CLASP2: variants seen among roughly 807,000 people sequenced by gnomAD.
CLASP2 encodes the protein cytoplasmic linker associated protein 2, also known as CLIP-associating protein 2.
In CLASP2, 47 loss-of-function variants were observed where a neutral mutation model predicts 194.4. That is an observed-to-expected ratio of 0.24 (90% CI 0.19 to 0.31). CLASP2 has a LOEUF of 0.31. CLASP2 is among the 10% of genes least tolerant of loss of function. CLASP2 has a pLI of 1.00. For missense variants in CLASP2, 1,445 were observed against 1,823.6 expected, an observed-to-expected ratio of 0.79 and a Z score of 3.78; for synonymous variants, 619 against 633.5, an observed-to-expected ratio of 0.98 and a Z score of 0.34.
intron 18 of CLASP2, among the ~76,000 whole-genome samples, chr3:33,601,425 G>C (rs924485810): frequency 6.6e-6 from 1 of 152,216 alleles, no homozygotes; most frequent in African/African-American, 2.4e-5. Context: ...GATATATGTA[G>C]AATTTTTTCT....
intron 34 of CLASP2, among the ~76,000 whole-genome samples, chr3:33,527,478 T>C (rs1432743410): frequency 2.0e-5 from 3 of 152,104 alleles, no homozygotes; most frequent in Non-Finnish European, 4.4e-5. Flanking sequence ...AAACACAGCC[T>C]ACCAATAATA....
chr3:33,627,205 T>C (rs1360821330), intron 9 of CLASP2, 125 bp from the exon 10 acceptor site: 5 of 687,454 alleles, frequency 7.3e-6, no homozygotes, highest in Admixed American at 2.3e-5. Flanking sequence ...CCATTTCTAA[T>C]GGAGAATAGA....
intron 6 of CLASP2, among the ~76,000 whole-genome samples, chr3:33,681,371 A>G (rs112386308): frequency 0.017 from 2,547 of 152,294 alleles, 26 homozygotes; most frequent in South Asian, 0.032. Context: ...GTATTGGCAA[A>G]CAACTGCTGC....
chr3:33,539,624 T>A (rs1018905867), intron 32 of CLASP2, among the ~76,000 whole-genome samples: 1 of 152,106 alleles, frequency 6.6e-6, no homozygotes, highest in African/African-American at 2.4e-5. Context: ...CGTGAGCCAC[T>A]GCGCCCAGCC....
intron 33 of CLASP2, 50 bp from the exon 34 acceptor site, chr3:33,535,511 T>C: frequency 7.2e-7 from 1 of 1,388,572 alleles, no homozygotes; most frequent in East Asian, 2.3e-5. Context: ...TTTTCAAGTA[T>C]CTATTTAACA....
At chr3:33,557,450 C>G (rs2061159560) in intron 29 of CLASP2, among the ~76,000 whole-genome samples, 4 of 152,132 alleles carry the variant, frequency 2.6e-5, no homozygotes, top group Admixed American at 2.6e-4. Flanking sequence ...TTAGAGCTCA[C>G]TGTAACCTCA....
chr3:33,510,517 A>C (rs2049437167), intron 37 of CLASP2, 41 bp downstream of exon 37: 1 of 1,578,198 alleles, frequency 6.3e-7, no homozygotes, highest in South Asian at 1.1e-5. Context: ...CTGTATCCCA[A>C]ATGTATCATG....
At chr3:33,540,284 T>A (rs995909368) in intron 32 of CLASP2, among the ~76,000 whole-genome samples, 1 of 148,838 alleles carries the variant, frequency 6.7e-6, no homozygotes, top group Admixed American at 6.9e-5. Flanking sequence ...CTGCCCAGAC[T>A]GGAGTGCAGT....
chr3:33,565,703 T>G (rs1291926673), intron 27 of CLASP2, among the ~76,000 whole-genome samples: 1 of 151,922 alleles, frequency 6.6e-6, no homozygotes, highest in Non-Finnish European at 1.5e-5. Flanking sequence ...TCCCAGCTAC[T>G]CAGGAGGCTG....
At chr3:33,713,429 A>G (rs1250336598) in intron 1 of CLASP2, among the ~76,000 whole-genome samples, 1 of 152,192 alleles carries the variant, frequency 6.6e-6, no homozygotes, top group East Asian at 1.9e-4. Context: ...ATGTTCACCT[A>G]TATGGCAGGT....
At chr3:33,642,215 A>C (rs1213249354) in intron 8 of CLASP2, among the ~76,000 whole-genome samples, 1 of 151,964 alleles carries the variant, frequency 6.6e-6, no homozygotes, top group Non-Finnish European at 1.5e-5. Context: ...ATTTATTCCA[A>C]AGAAATCATT....
chr3:33,664,857 T>C lies in CLASP2; in HGVS notation c.645-1342A>G, dbSNP rs892598797. Among the ~76,000 whole-genome samples, 6 of 151,722 alleles carry C rather than the reference T, an allele frequency of 4.0e-5. No individual in the cohort carries two copies. The East Asian group carries it at 1.2e-3, about 29-fold the overall frequency. ...GCTCATGCCTATAATCCCAACACTT[T>C]GGGAGGCCAAGCAGCGCAGATCACC... On this transcript the variant is annotated intron_variant, in intron 6 of 38. Coordinates refer to ENST00000682230, the MANE Select transcript of CLASP2 (RefSeq NM_001365631.1).
intron 21 of CLASP2, among the ~76,000 whole-genome samples, chr3:33,590,895 A>C (rs949875277): frequency 2.0e-5 from 3 of 152,232 alleles, no homozygotes; most frequent in Admixed American, 2.0e-4. Flanking sequence ...AAAATAGCCA[A>C]GTAGGCTGGG....
chr3:33,696,990 A>G (rs2091979193), intron 1 of CLASP2, 57 bp from the exon 2 acceptor site: 5 of 916,634 alleles, frequency 5.5e-6, no homozygotes, highest in South Asian at 4.7e-5. Flanking sequence ...CTTTAATATC[A>G]GTATTTAATT....
At chr3:33,674,158 C>T (rs918558423) in intron 6 of CLASP2, among the ~76,000 whole-genome samples, 5 of 152,182 alleles carry the variant, frequency 3.3e-5, no homozygotes, top group Admixed American at 3.3e-4. Context: ...CAGCACAACA[C>T]AACACCTATT....
At chr3:33,517,263 A>G (rs1437212042) in intron 34 of CLASP2, 89 bp from the exon 35 acceptor site, 1 of 944,124 alleles carries the variant, frequency 1.1e-6, no homozygotes, top group Admixed American at 3.5e-5. Flanking sequence ...TGAAACACAG[A>G]TATAACCATC....
Position 33,688,278 on chromosome 3 carries a change from T to C in CLASP2, c.469A>G (p.Ile157Val). The part of the protein sequence containing the change: ...VCLCLIETLN[I>V]FGAQPLVISK... ...ATTTTCAGTAATCATAAAACTTACA[T>C]GTTTAAGGTTTCAATAAGACACAGA... The change falls in exon 4 of 39, where the codon ATT (isoleucine) becomes GTT (valine). Residue 157 changes from isoleucine (I) to valine (V), a missense_variant and splice_region_variant. Ile to Val is a conservative substitution (Grantham distance 29). This residue lies in a region of CLASP2 where 332 missense variants were observed against 325.3 expected (regional missense o/e 1.02). Transcript: ENST00000682230. 2 of 1,556,438 alleles carry C rather than the reference T, an allele frequency of 1.3e-6. No individual in the cohort carries two copies. Among genetic ancestry groups the C allele is most frequent in the South Asian group, 1.2e-5 (1 of 81,248 alleles).
At chr3:33,525,324 A>C (rs2054226911) in intron 34 of CLASP2, among the ~76,000 whole-genome samples, 3 of 152,214 alleles carry the variant, frequency 2.0e-5, no homozygotes, top group African/African-American at 7.2e-5. Flanking sequence ...TAAAGGGGCA[A>C]GATGGCTGAC....
chr3:33,702,308 C>CA (rs2092430041), intron 1 of CLASP2, among the ~76,000 whole-genome samples: 2 of 152,114 alleles, frequency 1.3e-5, no homozygotes, highest in South Asian at 2.1e-4. Context: ...AAATAGAACT[C>CA]AGAGTCCAGA....
Sources: gnomAD v4.1 joint callset for allele counts (sites outside exome capture counted in the v4.1 genomes callset) on GRCh38, gnomAD v4.1.1 for gene constraint, gnomAD v4.1.1 regional missense constraint, MANE v1.5 for transcripts, NCBI Gene and HGNC (gene_info 2026-07-23, HGNC 2026-07-21) for gene names.